Variants in SKAP1 observed in about 807,000 individuals in gnomAD.
The protein encoded by SKAP1 is src kinase associated phosphoprotein 1.
A neutral mutation model predicts 58.5 loss-of-function variants in SKAP1; 44 were observed. The ratio of observed to expected loss-of-function variants is 0.75; its 90% CI spans 0.59 to 0.97. The LOEUF (loss-of-function observed/expected upper bound fraction) is 0.97. Ranked by LOEUF, SKAP1 falls within the 50% of genes least tolerant of loss-of-function variation. The probability of loss-of-function intolerance (pLI) is 0.00; values close to 1 mark genes in which losing one functional copy is unlikely to be tolerated. For missense variants in SKAP1, 390 were observed against 435.2 expected, an observed-to-expected ratio of 0.90 and a Z score of 0.92; for synonymous variants, 127 against 149.7, an observed-to-expected ratio of 0.85 and a Z score of 1.11.
rs115082403 is a variant in SKAP1, at chr17:48,372,902, C to T, written c.153-9088G>A. Among the ~76,000 whole-genome samples, 708 of 152,078 alleles carry T rather than the reference C, an allele frequency of 4.7e-3. 4 individuals are homozygous for T. Among genetic ancestry groups the T allele is most frequent in the African/African-American group, 0.016 (660 of 41,470 alleles). On this transcript the variant is annotated intron_variant, in intron 2 of 12. Coordinates refer to ENST00000336915, the MANE Select transcript of SKAP1 (RefSeq NM_003726.4). ...GCCTCAAGTGATCCTCCTGCTTTGGCCTCCCCAAAGCACTGGGATTACAGG... is the reference window on the plus strand; with the variant it reads ...GCCTCAAGTGATCCTCCTGCTTTGGTCTCCCCAAAGCACTGGGATTACAGG...
At chr17:48,390,022 T>G (rs995016067) in intron 2 of SKAP1, among the ~76,000 whole-genome samples, 1 of 152,104 alleles carries the variant, frequency 6.6e-6, no homozygotes, top group African/African-American at 2.4e-5. Context: ...AAGATTATCA[T>G]TAGGGGAATC....
chr17:48,226,453 A>T (rs761951380), intron 4 of SKAP1, among the ~76,000 whole-genome samples: 20 of 152,156 alleles, frequency 1.3e-4, no homozygotes, highest in Admixed American at 2.6e-4. Context: ...CTATATCTCT[A>T]TTATGGATCA....
chr17:48,141,326 G>A (rs2063764836), intron 11 of SKAP1, among the ~76,000 whole-genome samples: 1 of 151,882 alleles, frequency 6.6e-6, no homozygotes. Context: ...TAATGTCACT[G>A]CTCTGCTTGG....
chr17:48,250,976 G>A lies in SKAP1; in HGVS notation c.281-61476C>T, dbSNP rs1004339410. ...TATTTGGGCCAGCTCCTCTGAACTC[G>A]TGTTTTGTAATATTAACCATTTAAA... On this transcript the variant is annotated intron_variant, in intron 4 of 12. Transcript: ENST00000336915. Among the ~76,000 whole-genome samples the A allele has an allele frequency of 7.9e-5, 12 of 152,284 alleles. No homozygotes were observed. In the South Asian group the frequency reaches 1.0e-3, roughly 13 times the overall value.
chr17:48,303,177 T>C (rs758667631), intron 4 of SKAP1, among the ~76,000 whole-genome samples: 9 of 152,196 alleles, frequency 5.9e-5, no homozygotes, highest in Non-Finnish European at 8.8e-5. Flanking sequence ...CAAAGAAATA[T>C]TGGAGAGTCT....
chr17:48,432,225 T>C (rs1038071302), upstream of SKAP1, among the ~76,000 whole-genome samples: 36 of 152,138 alleles, frequency 2.4e-4, no homozygotes, highest in African/African-American at 8.7e-4. Flanking sequence ...GGTCAGGAGT[T>C]TGAGGTCAGC....
intron 4 of SKAP1, among the ~76,000 whole-genome samples, chr17:48,322,640 G>T (rs2144229003): frequency 6.6e-6 from 1 of 152,290 alleles, no homozygotes; most frequent in East Asian, 1.9e-4. Flanking sequence ...AGGGCAAAGG[G>T]CTTTCTCAAC....
At chr17:48,263,081 T>C (rs1486444653) in intron 4 of SKAP1, among the ~76,000 whole-genome samples, 3 of 152,310 alleles carry the variant, frequency 2.0e-5, no homozygotes, top group South Asian at 2.1e-4. Flanking sequence ...ACACAGTAAA[T>C]AGATTTTCAC....
intron 4 of SKAP1, among the ~76,000 whole-genome samples, chr17:48,275,087 G>A (rs2065682117): frequency 6.6e-6 from 1 of 152,154 alleles, no homozygotes; most frequent in Admixed American, 6.5e-5. Context: ...CCCTGTGGCT[G>A]TTTCATTCCC....
At chr17:48,345,364 C>G (rs1211097076) in intron 4 of SKAP1, among the ~76,000 whole-genome samples, 1 of 152,148 alleles carries the variant, frequency 6.6e-6, no homozygotes, top group Non-Finnish European at 1.5e-5. Context: ...AATTGATGCT[C>G]TAGGAAGATT....
intron 1 of SKAP1, among the ~76,000 whole-genome samples, chr17:48,418,488 A>G (rs1004436961): frequency 6.6e-6 from 1 of 152,168 alleles, no homozygotes; most frequent in Non-Finnish European, 1.5e-5. Context: ...AGCAACAGGA[A>G]CTCCCATATA....
chr17:48,388,549 C>T (rs1420930715), intron 2 of SKAP1, among the ~76,000 whole-genome samples: 2 of 152,160 alleles, frequency 1.3e-5, no homozygotes, highest in Non-Finnish European at 2.9e-5. Context: ...TGGATATATG[C>T]TGTGATTCAC....
intron 11 of SKAP1, among the ~76,000 whole-genome samples, chr17:48,160,407 G>T (rs1275210274): frequency 6.6e-6 from 1 of 151,964 alleles, no homozygotes; most frequent in Non-Finnish European, 1.5e-5. Context: ...AAAATACTGG[G>T]ATCACAGGCG....
intron 1 of SKAP1, among the ~76,000 whole-genome samples, chr17:48,424,930 C>G (rs954765153): frequency 1.2e-5 from 1 of 84,442 alleles, no homozygotes; most frequent in Non-Finnish European, 2.5e-5. Flanking sequence ...GACTCTGTCT[C>G]AAAAAAAAAA....
Position 48,346,016 on chromosome 17 carries a change from A to C in SKAP1, c.179-10T>G, listed in dbSNP as rs781251780. On this transcript the variant is annotated splice_polypyrimidine_tract_variant and intron_variant, in intron 3 of 12. Transcript: ENST00000336915. ...TGTCCAATGTCTCCCCCTGAGGGAC[A>C]AAAAAGACAGAAAATAAGGTTAATC... 2.1e-5 allele frequency: 33 copies of C among 1,542,286 alleles called. No homozygotes were observed. The highest frequency in any genetic ancestry group is 2.7e-6 in the Non-Finnish European group (3 of 1,129,054).
intron 3 of SKAP1, among the ~76,000 whole-genome samples, chr17:48,350,880 G>C (rs954249592): frequency 1.3e-5 from 2 of 152,180 alleles, no homozygotes; most frequent in Non-Finnish European, 2.9e-5. Context: ...TAATATTTAA[G>C]ATCCCATAAG....
intron 4 of SKAP1, among the ~76,000 whole-genome samples, chr17:48,233,515 T>C (rs1258998683): frequency 2.0e-5 from 3 of 148,966 alleles, no homozygotes; most frequent in South Asian, 2.1e-4. Flanking sequence ...AGATAAAATA[T>C]AATACTATAA....
chr17:48,321,356 T>G lies in SKAP1; in HGVS notation c.280+24549A>C, dbSNP rs1598565175. On this transcript the variant is annotated intron_variant, in intron 4 of 12. Transcript: ENST00000336915. ...GCTCATCCTTCTGTCTCATTATTAT[T>G]ATTATTATTATTATTATTATTATTA... 1.1e-4 allele frequency among the ~76,000 whole-genome samples: 5 copies of G among 44,618 alleles called. No homozygotes were observed. The South Asian group carries it at 2.3e-3, about 21-fold the overall frequency. The allele number at this position is 44,618 out of a possible 152,430, so 29.3% of individuals were successfully genotyped here.
At chr17:48,270,446 C>T (rs1181580707) in intron 4 of SKAP1, among the ~76,000 whole-genome samples, 1 of 151,928 alleles carries the variant, frequency 6.6e-6, no homozygotes, top group Non-Finnish European at 1.5e-5. Context: ...CGGGTTCAAG[C>T]GATTCTCTTG....
Sources: allele counts gnomAD v4.1 joint callset (sites outside exome capture counted in the v4.1 genomes callset), GRCh38; gene constraint gnomAD v4.1.1; transcripts MANE v1.5; gene names NCBI Gene and HGNC (gene_info 2026-07-23, HGNC 2026-07-21).